Variants in SHANK2 observed in about 807,000 individuals in gnomAD.
SHANK2 encodes the protein SH3 and multiple ankyrin repeat domains protein 2.
SHANK2 carries 43 observed loss-of-function variants against 133.7 expected under a neutral mutation model. That is an observed-to-expected ratio of 0.32 (90% confidence interval 0.25 to 0.41). The LOEUF is 0.41. Among genes scored for constraint, SHANK2 ranks in the 10% least tolerant of loss-of-function variants. SHANK2 has a pLI of 1.00. For synonymous variants in SHANK2, 1,017 were observed against 952.8 expected, an observed-to-expected ratio of 1.07 and a Z score of -1.24; for missense variants, 1,994 against 2,235.8, an observed-to-expected ratio of 0.89 and a Z score of 2.18.
At chr11:70,520,803 TG>T (rs782575557) in intron 17 of SHANK2, among the ~76,000 whole-genome samples, 1 of 152,278 alleles carries the variant, frequency 6.6e-6, no homozygotes, top group Non-Finnish European at 1.5e-5. Flanking sequence ...GTACTTTGAA[TG>T]ATAACCAAAT....
In SHANK2 at chr11:70,487,147, T is replaced by A; in HGVS notation, c.3146A>T (p.Gln1049Leu). The stretch of plus-strand genomic sequence containing the variant: ...GGGGTCGATCTCCATGCTGCTGCCC[T>A]GGCTGCTCTTGCCGCTGCTGCTGGT... ...PSTSSSGKSSQGSSMEIDPQA... is the reference protein window; with the variant it reads ...PSTSSSGKSSLGSSMEIDPQA... The change falls in exon 25 of 26, where the codon CAG (glutamine) becomes CTG (leucine). Residue 1049 changes from glutamine to leucine, a missense_variant. By Grantham distance (113) the Gln-to-Leu change is moderately radical. Transcript: ENST00000601538. This position sits in a 1 kb window ranked among gnomAD's most constrained non-coding sequence, Gnocchi z 5.8. The A allele has an allele frequency of 6.2e-7, 1 of 1,612,950 alleles. No individual in the cohort carries two copies. The highest frequency in any genetic ancestry group is 8.5e-7 in the Non-Finnish European group (1 of 1,180,020).
At chr11:70,583,619 C>T (rs2060211544) in intron 17 of SHANK2, among the ~76,000 whole-genome samples, 1 of 152,206 alleles carries the variant, frequency 6.6e-6, no homozygotes, top group South Asian at 2.1e-4. Context: ...TCCGGGTCAT[C>T]GAATCCCAAA....
intron 14 of SHANK2, among the ~76,000 whole-genome samples, chr11:70,730,245 G>A (rs1555031799): frequency 6.6e-6 from 1 of 152,150 alleles, no homozygotes; most frequent in Non-Finnish European, 1.5e-5. Context: ...GAAGCAGGAT[G>A]TGTACATTGG....
At chr11:70,661,532 C>A (rs534398334) in intron 16 of SHANK2, 64 bp downstream of exon 16, 1 of 355,088 alleles carries the variant, frequency 2.8e-6, no homozygotes, top group Non-Finnish European at 5.2e-6. Flanking sequence ...CACACACACA[C>A]ACACACACAC....
chr11:70,561,939 G>T (rs141606032), intron 17 of SHANK2, among the ~76,000 whole-genome samples: 1 of 152,302 alleles, frequency 6.6e-6, no homozygotes, highest in Non-Finnish European at 1.5e-5. Flanking sequence ...TTTTGTGCCA[G>T]AAATGTTCCC....
intron 6 of SHANK2, among the ~76,000 whole-genome samples, chr11:71,104,361 G>GCC (rs200786755): frequency 6.6e-5 from 10 of 151,686 alleles, no homozygotes; most frequent in African/African-American, 2.4e-4. Context: ...CCAACACAGG[G>GCC]CCCCCCCCAT....
intron 11 of SHANK2, among the ~76,000 whole-genome samples, chr11:70,850,324 C>A (rs1013721243): frequency 6.6e-6 from 1 of 152,200 alleles, no homozygotes; most frequent in Non-Finnish European, 1.5e-5. Context: ...CAAGCTTCCA[C>A]CCCAGGTGTT....
chr11:71,081,901 G>A (rs912790446), intron 8 of SHANK2, among the ~76,000 whole-genome samples: 12 of 152,294 alleles, frequency 7.9e-5, no homozygotes, highest in East Asian at 1.9e-4. Flanking sequence ...AAGGGCTCCC[G>A]TGCTCTGGTC....
At chr11:70,866,695 G>A (rs1306763564) in intron 11 of SHANK2, among the ~76,000 whole-genome samples, 1 of 152,104 alleles carries the variant, frequency 6.6e-6, no homozygotes, top group Non-Finnish European at 1.5e-5. Flanking sequence ...GCAGGGGCCC[G>A]GAGACACACA....
At chr11:71,189,649 G>A (rs1005763296) in intron 2 of SHANK2, among the ~76,000 whole-genome samples, 7 of 152,174 alleles carry the variant, frequency 4.6e-5, no homozygotes, top group South Asian at 4.1e-4. Flanking sequence ...ATTCGCCCGC[G>A]TTGGCCTCCC....
chr11:70,635,981 A>G (rs1555003863), intron 17 of SHANK2, among the ~76,000 whole-genome samples: 2 of 152,224 alleles, frequency 1.3e-5, no homozygotes, highest in African/African-American at 4.8e-5. Context: ...AATGTTCCAG[A>G]ATACGCAGAG....
chr11:71,152,250 T>C (rs1555108224), intron 2 of SHANK2, among the ~76,000 whole-genome samples: 1 of 152,058 alleles, frequency 6.6e-6, no homozygotes, highest in African/African-American at 2.4e-5. Flanking sequence ...TTAGCTGGGA[T>C]TACAGATACC....
intron 11 of SHANK2, among the ~76,000 whole-genome samples, chr11:70,827,590 C>T (rs1405635244): frequency 6.7e-6 from 1 of 149,630 alleles, no homozygotes; most frequent in East Asian, 2.0e-4. Context: ...GTTCTGTTGC[C>T]GGATGCCTCT....
intron 10 of SHANK2, among the ~76,000 whole-genome samples, chr11:70,916,101 G>A (rs562211276): frequency 6.6e-6 from 1 of 152,224 alleles, no homozygotes; most frequent in African/African-American, 2.4e-5. Flanking sequence ...AGAATGAAGG[G>A]CAATTACCAC....
intron 3 of SHANK2, among the ~76,000 whole-genome samples, chr11:71,119,879 G>T (rs1273089153): frequency 1.3e-5 from 2 of 152,056 alleles, no homozygotes; most frequent in Admixed American, 1.3e-4. Context: ...ATTTTGACAT[G>T]GATCGTTCTT....
chr11:71,195,775 C>T (rs1214809752), intron 2 of SHANK2, among the ~76,000 whole-genome samples: 1 of 152,176 alleles, frequency 6.6e-6, no homozygotes, highest in African/African-American at 2.4e-5. Flanking sequence ...AAGTTTAATG[C>T]TAAAATCACA....
At chr11:71,097,789 A>C (rs560425825) in intron 6 of SHANK2, among the ~76,000 whole-genome samples, 71 of 152,354 alleles carry the variant, frequency 4.7e-4, no homozygotes, top group African/African-American at 1.5e-3. Context: ...TAAGTGTTTA[A>C]GACAGCTGCT....
At chr11:70,525,017 A>T (rs1306306615) in intron 17 of SHANK2, among the ~76,000 whole-genome samples, 1 of 152,248 alleles carries the variant, frequency 6.6e-6, no homozygotes, top group Admixed American at 6.5e-5. Flanking sequence ...AGTGGGGACC[A>T]GAGTAAGATA....
intron 24 of SHANK2, among the ~76,000 whole-genome samples, chr11:70,488,389 C>T (rs10899089): frequency 0.55 from 83,319 of 152,124 alleles, 23,103 homozygotes; most frequent in Admixed American, 0.59. Context: ...GCCATCTGCC[C>T]ACGGTTGGCT....
Sources: allele counts gnomAD v4.1 joint callset (sites outside exome capture counted in the v4.1 genomes callset), GRCh38; gene constraint gnomAD v4.1.1; non-coding constraint Gnocchi (gnomAD v3.1); transcripts MANE v1.5; gene names NCBI Gene and HGNC (gene_info 2026-07-23, HGNC 2026-07-21).